Variants in SMG6 observed in about 807,000 individuals in gnomAD.
The protein encoded by SMG6 is SMG6 nonsense mediated mRNA decay factor.
Under a neutral mutation model 142.2 loss-of-function variants are expected in SMG6, and 66 were observed. The ratio of observed to expected loss-of-function variants is 0.46; its 90% CI spans 0.38 to 0.57. The LOEUF (loss-of-function observed/expected upper bound fraction) is 0.57, where lower values mean the gene tolerates loss of function less well. SMG6 is among the 20% of genes least tolerant of loss of function. SMG6 has a pLI of 0.00. For synonymous variants in SMG6, 779 were observed against 702.4 expected, an observed-to-expected ratio of 1.11 and a Z score of -1.72; for missense variants, 1,793 against 1,832.0, an observed-to-expected ratio of 0.98 and a Z score of 0.39.
intron 13 of SMG6, among the ~76,000 whole-genome samples, chr17:2,098,696 T>A (rs1226874738): frequency 6.6e-6 from 1 of 152,204 alleles, no homozygotes; most frequent in Admixed American, 6.5e-5. Context: ...AATGGCGTGA[T>A]CTCGGCTCAC....
chr17:2,200,760 A>G (rs1406171762), intron 10 of SMG6, among the ~76,000 whole-genome samples: 1 of 152,106 alleles, frequency 6.6e-6, no homozygotes, highest in African/African-American at 2.4e-5. Flanking sequence ...CCCAGGGTGG[A>G]GTGCAGTGGC....
In SMG6 at chr17:2,299,500, G is replaced by C. The variant is rs779327454; in HGVS notation, c.1253C>G (p.Ser418Cys). ...CTCTGGAGAACCTGCTGAATTGACA[G>C]ATAGGGTGGTATGGGCAGGCAAAAT... Reference protein sequence around the residue: ...ILILPAHTTLSVNSAGSPESA... With the variant: ...ILILPAHTTLCVNSAGSPESA... Residue 418 changes from serine (S) to cysteine (C), a missense_variant, in exon 2 of 19, where the codon TCT becomes TGT. Around this residue, in one of 3 missense-constraint regions of SMG6, gnomAD observed 1,597 missense variants for 1,584.6 expected, o/e 1.01. Transcript: ENST00000263073. The surrounding 1 kb of genome is among the most constrained non-coding windows in gnomAD (Gnocchi z 4.3). 1 of 1,614,176 alleles carries C rather than the reference G, an allele frequency of 6.2e-7. No individual in the cohort carries two copies. Among genetic ancestry groups the C allele is most frequent in the Non-Finnish European group, 8.5e-7 (1 of 1,180,032 alleles).
intron 13 of SMG6, among the ~76,000 whole-genome samples, chr17:2,099,437 C>T (rs947416063): frequency 1.4e-4 from 22 of 152,034 alleles, no homozygotes; most frequent in Middle Eastern, 6.8e-3. Context: ...GTAAAATGTA[C>T]CTCCTAAGAA....
intron 8 of SMG6, among the ~76,000 whole-genome samples, chr17:2,259,300 A>T (rs2074260861): frequency 6.6e-6 from 1 of 152,178 alleles, no homozygotes; most frequent in African/African-American, 2.4e-5. Context: ...AGAAGCATGT[A>T]ACAACATGCA....
At position 2,142,325 on chromosome 17, in the gene SMG6, C is replaced by T. The variant is rs145342709; in HGVS notation, c.3357+30333G>A. Among the ~76,000 whole-genome samples the T allele has an allele frequency of 3.5e-3, 529 of 152,316 alleles. 1 individual carries two copies. Among genetic ancestry groups the T allele is most frequent in the Non-Finnish European group, 6.6e-3 (447 of 68,032 alleles). On this transcript the variant is annotated intron_variant, in intron 13 of 18. Coordinates refer to ENST00000263073, the MANE Select transcript of SMG6 (RefSeq NM_017575.5). ...TGTAAATCATTTATCTGATAAAGGA[C>T]TTGTATCCAGAATCTATAAAGAACT...
chr17:2,267,530 A>G (rs2074447983), intron 8 of SMG6, among the ~76,000 whole-genome samples: 2 of 152,084 alleles, frequency 1.3e-5, no homozygotes, highest in East Asian at 1.9e-4. Context: ...CCATGAGGCC[A>G]AAAAATTAAG....
chr17:2,069,241 G>C (rs1178653068), intron 15 of SMG6, among the ~76,000 whole-genome samples: 1 of 152,102 alleles, frequency 6.6e-6, no homozygotes, highest in Non-Finnish European at 1.5e-5. Context: ...CAACAAGGGA[G>C]AATTAGGTTC....
At chr17:2,208,471 T>C (rs547383319) in intron 10 of SMG6, among the ~76,000 whole-genome samples, 1 of 152,026 alleles carries the variant, frequency 6.6e-6, no homozygotes, top group African/African-American at 2.4e-5. Flanking sequence ...CAGGGAGGGG[T>C]CCACAGCGCA....
chr17:2,194,155 G>T (rs2072247853), intron 10 of SMG6, among the ~76,000 whole-genome samples: 1 of 152,144 alleles, frequency 6.6e-6, no homozygotes, highest in Admixed American at 6.5e-5. Context: ...GGATGCAGGG[G>T]GGACCACATG....
chr17:2,189,499 G>A (rs888044654), intron 10 of SMG6, among the ~76,000 whole-genome samples: 2 of 152,166 alleles, frequency 1.3e-5, no homozygotes, highest in African/African-American at 2.4e-5. Flanking sequence ...AGGCTCACTA[G>A]CTCTGGCAGC....
intron 6 of SMG6, among the ~76,000 whole-genome samples, chr17:2,289,032 T>C (rs2074972187): frequency 6.9e-6 from 1 of 145,302 alleles, no homozygotes; most frequent in Admixed American, 7.0e-5. Flanking sequence ...TGAGCCGAGA[T>C]TGCGCCACTG....
chr17:2,112,514 AATAAAAT>A (rs1350131724), intron 13 of SMG6, among the ~76,000 whole-genome samples: 2 of 118,916 alleles, frequency 1.7e-5, no homozygotes, highest in African/African-American at 3.4e-5. Context: ...TCTCAAAAAA[AATAAAAT>A]AAAAAATAAA....
intron 13 of SMG6, among the ~76,000 whole-genome samples, chr17:2,119,158 A>C (rs2069603483): frequency 6.6e-6 from 1 of 151,642 alleles, no homozygotes; most frequent in Non-Finnish European, 1.5e-5. Flanking sequence ...CCCGGGTTCA[A>C]GCAATTCTCC....
chr17:2,111,438 G>A (rs2069314036), intron 13 of SMG6, among the ~76,000 whole-genome samples: 2 of 152,176 alleles, frequency 1.3e-5, no homozygotes, highest in South Asian at 4.1e-4. Flanking sequence ...TGAGATCACA[G>A]GATCTCGCTG....
At chr17:2,099,309 A>G (rs2068943645) in intron 13 of SMG6, among the ~76,000 whole-genome samples, 1 of 152,042 alleles carries the variant, frequency 6.6e-6, no homozygotes, top group Non-Finnish European at 1.5e-5. Flanking sequence ...GGACTCAATA[A>G]GGAATAGGGA....
chr17:2,108,165 A>G (rs2069205167), intron 13 of SMG6, among the ~76,000 whole-genome samples: 1 of 152,210 alleles, frequency 6.6e-6, no homozygotes, highest in Non-Finnish European at 1.5e-5. Flanking sequence ...GAGAATTTGC[A>G]TGAATTACAG....
chr17:2,104,313 C>G (rs927938981), intron 13 of SMG6, among the ~76,000 whole-genome samples: 2 of 152,096 alleles, frequency 1.3e-5, no homozygotes, highest in Non-Finnish European at 2.9e-5. Flanking sequence ...CCAGGCAGGT[C>G]ACGAATTCCT....
intron 13 of SMG6, among the ~76,000 whole-genome samples, chr17:2,148,227 T>C (rs1344098577): frequency 1.3e-5 from 2 of 151,964 alleles, no homozygotes; most frequent in African/African-American, 4.8e-5. Flanking sequence ...TAATTAAACA[T>C]AGAGCAACCA....
chr17:2,271,063 T>C (rs546131888), intron 8 of SMG6, among the ~76,000 whole-genome samples: 13 of 151,552 alleles, frequency 8.6e-5, no homozygotes, highest in Non-Finnish European at 1.2e-4. Flanking sequence ...CTTTGGGAGG[T>C]TGAAGCAGGA....
Sources: gnomAD v4.1 joint callset for allele counts (sites outside exome capture counted in the v4.1 genomes callset) on GRCh38, gnomAD v4.1.1 for gene constraint, gnomAD v4.1.1 regional missense constraint, Gnocchi (gnomAD v3.1) non-coding constraint, MANE v1.5 for transcripts, NCBI Gene and HGNC (gene_info 2026-07-23, HGNC 2026-07-21) for gene names.